TMPRSS15: variants seen among roughly 807,000 people sequenced by gnomAD.
TMPRSS15 encodes the protein transmembrane serine protease 15, also known as enteropeptidase.
Under a neutral mutation model 125.3 loss-of-function variants are expected in TMPRSS15, and 128 were observed. The ratio of observed to expected loss-of-function variants is 1.02; its 90% CI spans 0.89 to 1.18. The LOEUF (loss-of-function observed/expected upper bound fraction) is 1.18, where lower values mean the gene tolerates loss of function less well. Among genes scored for constraint, TMPRSS15 ranks in the 50% most tolerant of loss-of-function variants. The pLI, the probability that TMPRSS15 is intolerant of heterozygous loss-of-function variation, is 0.00. For missense variants in TMPRSS15, 1,283 were observed against 1,212.7 expected, an observed-to-expected ratio of 1.06 and a Z score of -0.86; for synonymous variants, 446 against 423.2, an observed-to-expected ratio of 1.05 and a Z score of -0.66.
At chr21:18,414,897 C>G (rs2076176207) in intron 1 of TMPRSS15, among the ~76,000 whole-genome samples, 1 of 152,084 alleles carries the variant, frequency 6.6e-6, no homozygotes, top group African/African-American at 2.4e-5. Flanking sequence ...ATTTCTAGAT[C>G]ATATGGTAGC....
intron 3 of TMPRSS15, among the ~76,000 whole-genome samples, chr21:18,391,707 G>T (rs1038956555): frequency 6.6e-6 from 1 of 152,168 alleles, no homozygotes; most frequent in African/African-American, 2.4e-5. Context: ...CTTCTCCAGA[G>T]TCAGCCCAGG....
At chr21:18,329,059 T>A in intron 15 of TMPRSS15, 110 bp downstream of exon 15, 1 of 1,307,708 alleles carries the variant, frequency 7.6e-7, no homozygotes, top group South Asian at 1.2e-5. Flanking sequence ...CTATTGTATT[T>A]TCATTTTGCA....
chr21:18,291,689 A>G (rs538592953), intron 21 of TMPRSS15, among the ~76,000 whole-genome samples: 4 of 152,368 alleles, frequency 2.6e-5, no homozygotes, highest in South Asian at 4.1e-4. Context: ...ATCTAAAACA[A>G]TATCAGAAAC....
intron 13 of TMPRSS15, among the ~76,000 whole-genome samples, chr21:18,335,011 C>A (rs558304580): frequency 6.6e-6 from 1 of 152,190 alleles, no homozygotes; most frequent in East Asian, 1.9e-4. Context: ...CAATGGAGAA[C>A]AAGGGCAAGT....
intron 1 of TMPRSS15, among the ~76,000 whole-genome samples, chr21:18,427,494 T>G (rs1432943636): frequency 1.3e-5 from 2 of 152,244 alleles, no homozygotes; most frequent in African/African-American, 4.8e-5. Context: ...GTCTATGCTT[T>G]GTGAATAAAA....
intron 16 of TMPRSS15, among the ~76,000 whole-genome samples, chr21:18,316,523 G>A (rs747061311): frequency 3.9e-5 from 6 of 152,178 alleles, no homozygotes; most frequent in Admixed American, 6.5e-5. Flanking sequence ...AAACTTTGCC[G>A]TATCGGTAAT....
intron 1 of TMPRSS15, among the ~76,000 whole-genome samples, chr21:18,477,999 A>G (rs1443671495): frequency 6.6e-5 from 10 of 152,010 alleles, no homozygotes; most frequent in Non-Finnish European, 1.3e-4. Flanking sequence ...TAAATCTATA[A>G]AGTCATCTGT....
In TMPRSS15 at chr21:18,328,507, G is replaced by C. The variant is rs966413960; in HGVS notation, c.1780+662C>G. On this transcript the variant is annotated intron_variant, in intron 15 of 24. Transcript: ENST00000284885. ...TGTCCTTAGCTTCTAGTCTCCAATG[G>C]GTAGTGCTTGTGGTAGTCAATTAAT... Among the ~76,000 whole-genome samples the C allele has an allele frequency of 4.6e-5, 7 of 152,122 alleles. No homozygotes were observed. In the South Asian group the frequency reaches 1.5e-3, roughly 32 times the overall value.
intron 14 of TMPRSS15, among the ~76,000 whole-genome samples, chr21:18,331,072 C>CAAAAAAA (rs34006357): frequency 1.1e-5 from 1 of 89,732 alleles, no homozygotes; most frequent in Non-Finnish European, 2.2e-5. Context: ...GACTCCATCT[C>CAAAAAAA]AAAAAAAAAA....
chr21:18,444,436 G>T (rs1001951323), intron 1 of TMPRSS15, among the ~76,000 whole-genome samples: 9 of 151,980 alleles, frequency 5.9e-5, no homozygotes. Context: ...TGGACAATTA[G>T]AACACATGGA....
chr21:18,330,167 G>A (rs1051042548), intron 14 of TMPRSS15, among the ~76,000 whole-genome samples: 1 of 151,918 alleles, frequency 6.6e-6, no homozygotes, highest in Non-Finnish European at 1.5e-5. Context: ...TACCACATCC[G>A]ATCAATCACC....
intron 16 of TMPRSS15, among the ~76,000 whole-genome samples, chr21:18,316,926 A>T (rs1180299830): frequency 2.6e-5 from 4 of 152,160 alleles, no homozygotes. Flanking sequence ...GTTCCCTAAC[A>T]ATGGTGATGG....
At chr21:18,293,975 C>T (rs556264460) in intron 21 of TMPRSS15, among the ~76,000 whole-genome samples, 31 of 152,204 alleles carry the variant, frequency 2.0e-4, no homozygotes, top group African/African-American at 7.5e-4. Flanking sequence ...AAAATGCTTA[C>T]CTTTTGAATT....
At chr21:18,312,797 T>C (rs1442422573) in intron 18 of TMPRSS15, 148 bp downstream of exon 18, 5 of 998,618 alleles carry the variant, frequency 5.0e-6, no homozygotes, top group East Asian at 2.6e-5. Context: ...AAAATGGGGT[T>C]AATCAAGATT....
intron 3 of TMPRSS15, among the ~76,000 whole-genome samples, chr21:18,397,378 A>G (rs1185228300): frequency 6.6e-6 from 1 of 152,170 alleles, no homozygotes; most frequent in African/African-American, 2.4e-5. Context: ...TAATTTCCAT[A>G]TGTTACAGAT....
Position 18,343,638 on chromosome 21 carries a change from T to A in TMPRSS15, c.1296A>T (p.Glu432Asp). The change falls in exon 12 of 25, where the codon GAA (glutamate) becomes GAT (aspartate). Residue 432 changes from glutamate to aspartate, a missense_variant. Physicochemically the swap from Glu to Asp is conservative, Grantham distance 45. Coordinates refer to ENST00000284885, the MANE Select transcript of TMPRSS15 (RefSeq NM_002772.3). Reference sequence around the variant, plus strand: ...TATTAATGCTTAATTTATGGACATTTTCACCATACATATGATACCTAGTTT... The same window carrying A: ...TATTAATGCTTAATTTATGGACATTATCACCATACATATGATACCTAGTTT... Reference protein sequence around the residue: ...CLSFWYHMYGENVHKLSINIS... With the variant: ...CLSFWYHMYGDNVHKLSINIS... 1 of 1,613,690 alleles carries A rather than the reference T, an allele frequency of 6.2e-7. No individual in the cohort carries two copies.
intron 18 of TMPRSS15, among the ~76,000 whole-genome samples, chr21:18,304,483 A>G (rs1461065020): frequency 6.6e-6 from 1 of 152,158 alleles, no homozygotes; most frequent in Non-Finnish European, 1.5e-5. Context: ...TTTGGAATCC[A>G]TGGAAGTTCA....
intron 24 of TMPRSS15, among the ~76,000 whole-genome samples, chr21:18,271,357 A>G (rs1039090456): frequency 2.0e-5 from 3 of 152,174 alleles, no homozygotes; most frequent in African/African-American, 7.2e-5. Context: ...GTTTTTTTAC[A>G]TATCTTCTAA....
chr21:18,459,140 C>T (rs950736028), intron 1 of TMPRSS15, among the ~76,000 whole-genome samples: 3 of 152,140 alleles, frequency 2.0e-5, no homozygotes, highest in African/African-American at 7.2e-5. Context: ...TATTCATTTA[C>T]TCCAGCATTA....
Sources: allele counts gnomAD v4.1 joint callset (sites outside exome capture counted in the v4.1 genomes callset), GRCh38; gene constraint gnomAD v4.1.1; transcripts MANE v1.5; gene names NCBI Gene and HGNC (gene_info 2026-07-23, HGNC 2026-07-21).